STAU1: variants seen among roughly 807,000 people sequenced by gnomAD.
The protein encoded by STAU1 is double-stranded RNA-binding protein Staufen homolog 1.
A neutral mutation model predicts 62.9 loss-of-function variants in STAU1; 13 were observed. The observed-to-expected ratio is 0.21, with a 90% CI of 0.13 to 0.33. The LOEUF (loss-of-function observed/expected upper bound fraction) is 0.33, where lower values mean the gene tolerates loss of function less well. Among genes scored for constraint, STAU1 ranks in the 10% least tolerant of loss-of-function variants. The pLI is 1.00. For synonymous variants in STAU1, 269 were observed against 265.1 expected (o/e 1.01, Z -0.14); for missense variants, 571 against 712.1 (o/e 0.80, Z 2.25).
rs1458321721 is a variant in STAU1, at chr20:49,113,882, A to G, written c.*996T>C. 1 of 152,648 alleles carries G rather than the reference A, an allele frequency of 6.6e-6. No individual in the cohort carries two copies. Among genetic ancestry groups the G allele is most frequent in the African/African-American group, 2.4e-5 (1 of 41,450 alleles). The allele number at this position is 152,648 out of a possible 1,614,324, so 9.5% of individuals were successfully genotyped here. Reference sequence around the variant, plus strand: ...CAAGAGCCATATGTATAGATACACAATGTTTTTTAATAATCTTTAAAACAG... The same window carrying G: ...CAAGAGCCATATGTATAGATACACAGTGTTTTTTAATAATCTTTAAAACAG... On this transcript the variant is annotated 3_prime_UTR_variant, in exon 14 of 14. Transcript: ENST00000371856.
intron 5 of STAU1, among the ~76,000 whole-genome samples, chr20:49,138,267 G>A (rs1037019122): frequency 1.7e-4 from 26 of 152,020 alleles, no homozygotes; most frequent in African/African-American, 6.0e-4. Flanking sequence ...CAGTGACAGT[G>A]TGAGACCGTG....
intron 2 of STAU1, among the ~76,000 whole-genome samples, chr20:49,167,698 G>T (rs922853583): frequency 4.0e-5 from 6 of 151,786 alleles, no homozygotes; most frequent in Admixed American, 2.6e-4. Context: ...ATTTCATTGG[G>T]TTTTTTTTCC....
chr20:49,206,719 T>TTATATA, the STAU1 span, among the ~76,000 whole-genome samples: 1,084 of 105,932 alleles, frequency 0.01, 6 homozygotes, highest in African/African-American at 0.016. Flanking sequence ...AAATGAAATT[T>TTATATA]TATATATATA....
At chr20:49,163,088 A>T (rs2093473558) in intron 3 of STAU1, among the ~76,000 whole-genome samples, 2 of 151,778 alleles carry the variant, frequency 1.3e-5, no homozygotes, top group African/African-American at 4.8e-5. Context: ...GCTACTCAGG[A>T]GGCTGAGGCA....
At chr20:49,203,456 G>C in the STAU1 span, among the ~76,000 whole-genome samples, 124 of 152,158 alleles carry the variant, frequency 8.1e-4, no homozygotes, top group Non-Finnish European at 1.4e-3. Context: ...TTTCTAACCA[G>C]GATGATCAAT....
intron 2 of STAU1, among the ~76,000 whole-genome samples, chr20:49,173,486 A>C (rs1332106876): frequency 6.6e-6 from 1 of 152,190 alleles, no homozygotes; most frequent in Admixed American, 6.5e-5. Flanking sequence ...ATACAAATCC[A>C]GTGTGGTGAG....
chr20:49,146,288 A>T (rs910075210), intron 5 of STAU1, among the ~76,000 whole-genome samples: 1 of 152,102 alleles, frequency 6.6e-6, no homozygotes, highest in African/African-American at 2.4e-5. Context: ...AAATAAACAA[A>T]TGGGTCTCTA....
intron 8 of STAU1, among the ~76,000 whole-genome samples, chr20:49,121,204 C>T (rs963970959): frequency 2.0e-5 from 3 of 151,956 alleles, no homozygotes; most frequent in South Asian, 2.1e-4. Flanking sequence ...GTCAGGAGTT[C>T]GAGACCAGTC....
At chr20:49,164,844 T>G (rs2093501729) in intron 3 of STAU1, among the ~76,000 whole-genome samples, 1 of 152,194 alleles carries the variant, frequency 6.6e-6, no homozygotes, top group Non-Finnish European at 1.5e-5. Flanking sequence ...CTCATTATGA[T>G]TTCTAAACTA....
At chr20:49,153,908 A>C (rs1218171973) in intron 4 of STAU1, 25 bp downstream of exon 4, 1 of 334,594 alleles carries the variant, frequency 3.0e-6, no homozygotes. Context: ...GTATTTTACA[A>C]AAAAAAAAAA....
Position 49,161,383 on chromosome 20 carries a change from G to C in STAU1, c.205+4614C>G, listed in dbSNP as rs184209664. Among the ~76,000 whole-genome samples, 26 of 152,190 alleles carry C rather than the reference G, an allele frequency of 1.7e-4. No individual in the cohort carries two copies. In the East Asian group the frequency reaches 4.1e-3, roughly 24 times the overall value. On this transcript the variant is annotated intron_variant, in intron 3 of 13. Coordinates refer to ENST00000371856, the MANE Select transcript of STAU1 (RefSeq NM_017453.4). ...ATATTTTCTTTGACCCATTGGCAAGGATGAAAAAAGAAGCAACTTCAAAAA... is the reference window on the plus strand; with the variant it reads ...ATATTTTCTTTGACCCATTGGCAAGCATGAAAAAAGAAGCAACTTCAAAAA...
chr20:49,201,559 T>C, the STAU1 span, among the ~76,000 whole-genome samples: 1 of 151,750 alleles, frequency 6.6e-6, no homozygotes, highest in Non-Finnish European at 1.5e-5. Flanking sequence ...CTGGCCAATA[T>C]GGCAAAACAC....
At chr20:49,165,098 G>T in intron 3 of STAU1, among the ~76,000 whole-genome samples, 1 of 152,220 alleles carries the variant, frequency 6.6e-6, no homozygotes, top group East Asian at 1.9e-4. Flanking sequence ...AGGCTGGAGT[G>T]CAGTGCCATG....
chr20:49,176,045 C>T (rs1052484721), intron 1 of STAU1, among the ~76,000 whole-genome samples: 3 of 152,120 alleles, frequency 2.0e-5, no homozygotes, highest in Non-Finnish European at 4.4e-5. Flanking sequence ...CCGCCCGCCT[C>T]GGCCTCCCAA....
upstream of STAU1, among the ~76,000 whole-genome samples, chr20:49,192,164 G>A (rs6125582): frequency 0.12 from 18,379 of 151,808 alleles, 1,349 homozygotes; most frequent in South Asian, 0.18. Context: ...GGCTAACATG[G>A]TGAAACCCCA....
the STAU1 span, among the ~76,000 whole-genome samples, chr20:49,195,925 G>GAAAAAAA: frequency 3.2e-5 from 3 of 93,716 alleles, no homozygotes; most frequent in Non-Finnish European, 4.1e-5. Flanking sequence ...AAAGAAAAAA[G>GAAAAAAA]AAAAAAAAAA....
At chr20:49,157,156 C>T (rs1568897008) in intron 3 of STAU1, among the ~76,000 whole-genome samples, 1 of 152,146 alleles carries the variant, frequency 6.6e-6, no homozygotes, top group African/African-American at 2.4e-5. Flanking sequence ...GGATTACAGG[C>T]ATGACCCACC....
At chr20:49,201,044 C>CAAAAAAAAAAAAAAAAAAAAAA in the STAU1 span, among the ~76,000 whole-genome samples, 12 of 31,506 alleles carry the variant, frequency 3.8e-4, no homozygotes, top group East Asian at 3.6e-3. Context: ...GACCCACTCT[C>CAAAAAAAAAAAAAAAAAAAAAA]AAAAAAAAAA....
chr20:49,155,878 TAAC>T (rs1485955405), intron 3 of STAU1, among the ~76,000 whole-genome samples: 1 of 152,210 alleles, frequency 6.6e-6, no homozygotes, highest in African/African-American at 2.4e-5. Context: ...ATGTGACTGG[TAAC>T]TTCCCAGATT....
Sources: gnomAD v4.1 joint callset for allele counts (sites outside exome capture counted in the v4.1 genomes callset) on GRCh38, gnomAD v4.1.1 for gene constraint, MANE v1.5 for transcripts, NCBI Gene and HGNC (gene_info 2026-07-23, HGNC 2026-07-21) for gene names.